Variants in PLCB1 observed in about 807,000 individuals in gnomAD.
PLCB1 encodes the protein phospholipase C beta 1.
A neutral mutation model predicts 161.8 loss-of-function variants in PLCB1; 46 were observed. The ratio of observed to expected loss-of-function variants is 0.28; its 90% confidence interval spans 0.22 to 0.36. The LOEUF (loss-of-function observed/expected upper bound fraction) is 0.36, where lower values mean the gene tolerates loss of function less well. Ranked by LOEUF, PLCB1 falls within the 10% of genes least tolerant of loss-of-function variation. The pLI is 1.00. For synonymous variants in PLCB1, 517 were observed against 503.7 expected (o/e 1.03, Z -0.35); for missense variants, 1,016 against 1,472.5 (o/e 0.69, Z 5.07).
intron 10 of PLCB1, among the ~76,000 whole-genome samples, chr20:8,685,328 A>G (rs1481929027): frequency 2.6e-5 from 4 of 151,928 alleles, no homozygotes; most frequent in Admixed American, 2.0e-4. Context: ...CACGGCTGAC[A>G]TTTTCAGATC....
rs547791906 is a variant in PLCB1 at position 8,559,396 on chromosome 20, A to T, written c.247-68898A>T. The stretch of plus-strand genomic sequence containing the variant: ...CACAAAAGAAGGCAGTAATGGGGGA[A>T]TTGAGAAACAGGAAAGATAAGACAT... On this transcript the variant is annotated intron_variant, in intron 3 of 31. Transcript: ENST00000338037. Among the ~76,000 whole-genome samples the T allele has an allele frequency of 2.6e-5, 4 of 152,092 alleles. No individual in the cohort carries two copies. In the East Asian group the frequency reaches 7.7e-4, roughly 29 times the overall value.
intron 1 of PLCB1, among the ~76,000 whole-genome samples, chr20:8,137,287 G>A (rs1196667067): frequency 1.3e-5 from 2 of 152,218 alleles, no homozygotes; most frequent in Non-Finnish European, 2.9e-5. Context: ...ATTAATGAGA[G>A]AGCAGAGGGG....
intron 9 of PLCB1, 102 bp downstream of exon 9, chr20:8,658,806 C>G: frequency 1.0e-6 from 1 of 961,956 alleles, no homozygotes; most frequent in Non-Finnish European, 1.5e-6. Context: ...TTAGTTTCCT[C>G]TGTTTACAAG....
intron 1 of PLCB1, among the ~76,000 whole-genome samples, chr20:8,136,573 C>T (rs2051351494): frequency 6.6e-6 from 1 of 151,634 alleles, no homozygotes. Flanking sequence ...TTGCAGTGAG[C>T]CGAGATCGCG....
Position 8,523,465 on chromosome 20 carries a change from G to GCTCTCTCTCT in PLCB1, c.247-104806_247-104797dup, listed in dbSNP as rs1174973173. Reference sequence around the variant, plus strand: ...ACGACAACAAATATATATATATTTGGCTCTCTCTCTCTCTCTCTCTCTCTC... The same window carrying GCTCTCTCTCT: ...ACGACAACAAATATATATATATTTGGCTCTCTCTCTCTCTCTCTCTCTCTCTCTCTCTCTC... On this transcript the variant is annotated intron_variant, in intron 3 of 31. Coordinates refer to ENST00000338037, the MANE Select transcript of PLCB1 (RefSeq NM_015192.4). 2.3e-3 allele frequency among the ~76,000 whole-genome samples: 110 copies of GCTCTCTCTCT among 48,790 alleles called. 6 individuals are homozygous for GCTCTCTCTCT. Among genetic ancestry groups the GCTCTCTCTCT allele is most frequent in the South Asian group, 0.019 (28 of 1,478 alleles). 32.0% of individuals were successfully genotyped at this position (48,790 alleles called of 152,430 possible).
intron 3 of PLCB1, among the ~76,000 whole-genome samples, chr20:8,415,463 ACT>A (rs894426702): frequency 1.3e-4 from 20 of 152,318 alleles, no homozygotes; most frequent in Non-Finnish European, 1.6e-4. Context: ...GCAAAAGCTG[ACT>A]CTGAGAAAAG....
chr20:8,624,314 T>G (rs1203801154), intron 3 of PLCB1, among the ~76,000 whole-genome samples: 1 of 152,156 alleles, frequency 6.6e-6, no homozygotes, highest in East Asian at 1.9e-4. Flanking sequence ...CACAAATCAT[T>G]GGATAAGCCT....
intron 2 of PLCB1, among the ~76,000 whole-genome samples, chr20:8,356,663 A>G (rs916450019): frequency 6.6e-6 from 1 of 152,218 alleles, no homozygotes; most frequent in Non-Finnish European, 1.5e-5. Context: ...ATTTTGGTAC[A>G]TAGAGTCTTC....
intron 23 of PLCB1, among the ~76,000 whole-genome samples, chr20:8,742,351 A>G (rs1217435059): frequency 6.6e-6 from 1 of 152,196 alleles, no homozygotes; most frequent in Non-Finnish European, 1.5e-5. Flanking sequence ...ATTGGGGGAA[A>G]AAACCTTGAA....
chr20:8,882,342 T>C lies in PLCB1; in HGVS notation c.*493T>C, dbSNP rs924989754. 6.1e-6 allele frequency: 1 copy of C among 162,772 alleles called. No homozygotes were observed. The highest frequency in any genetic ancestry group is 1.4e-5 in the Non-Finnish European group (1 of 73,290). 10.1% of individuals were successfully genotyped at this position (162,772 alleles called of 1,614,324 possible). Reference sequence around the variant, plus strand: ...CTTCAAGTCAACATGCATATTACATTTTCATCCTTTGCTTTGCAAGCACTG... The same window carrying C: ...CTTCAAGTCAACATGCATATTACATCTTCATCCTTTGCTTTGCAAGCACTG... On this transcript the variant is annotated 3_prime_UTR_variant, in exon 32 of 32. Coordinates refer to ENST00000338037, the MANE Select transcript of PLCB1 (RefSeq NM_015192.4).
intron 3 of PLCB1, among the ~76,000 whole-genome samples, chr20:8,402,974 A>C (rs1054618335): frequency 3.3e-5 from 5 of 152,106 alleles, no homozygotes; most frequent in Middle Eastern, 3.2e-3. Flanking sequence ...CTTTGAATTT[A>C]AGTTTATGTA....
At chr20:8,852,485 G>A (rs4816094) in intron 31 of PLCB1, among the ~76,000 whole-genome samples, 49,259 of 151,936 alleles carry the variant, frequency 0.32, 8,874 homozygotes, top group East Asian at 0.63. Flanking sequence ...ACTCCCACTA[G>A]CCATATCCCA....
rs551062233 is a variant in PLCB1 at position 8,746,441 on chromosome 20, GAAGTA to G, written c.2523+4872_2523+4876del. Among the ~76,000 whole-genome samples, 4 of 152,230 alleles carry G rather than the reference GAAGTA, an allele frequency of 2.6e-5. No homozygotes were observed. In the East Asian group the frequency reaches 5.8e-4, roughly 22 times the overall value. ...TGAATATGACTTTTTTAATGTTAGAGAAGTAAAGAAAAAAATAATGAGCATTTACT... is the reference window on the plus strand; with the variant it reads ...TGAATATGACTTTTTTAATGTTAGAGAAGAAAAAAATAATGAGCATTTACT... On this transcript the variant is annotated intron_variant, in intron 23 of 31. Transcript: ENST00000338037.
chr20:8,522,504 C>T (rs1984391084), intron 3 of PLCB1, among the ~76,000 whole-genome samples: 1 of 152,122 alleles, frequency 6.6e-6, no homozygotes, highest in Non-Finnish European at 1.5e-5. Flanking sequence ...CTATGATCTA[C>T]ACTTTCTCCC....
At position 8,788,691 on chromosome 20, in the gene PLCB1, GC is replaced by G. The variant is rs1983606583; in HGVS notation, c.3248del (p.Ala1083ValfsTer16). 6.2e-7 allele frequency: 1 copy of G among 1,611,030 alleles called. No individual in the cohort carries two copies. Among genetic ancestry groups the G allele is most frequent in the African/African-American group, 1.3e-5 (1 of 74,810 alleles). On this transcript the variant is annotated frameshift_variant, in exon 29 of 32. Coordinates refer to ENST00000338037, the MANE Select transcript of PLCB1 (RefSeq NM_015192.4). LOFTEE classifies it high-confidence loss of function. ...DKKRQEKITE[A>X]KSKDKSQMEE... Reference sequence around the variant, plus strand: ...AAAGAGGCAGGAGAAGATAACAGAAGCTAAATCCAAAGACAAAAGTCAGATG... The same window carrying G: ...AAAGAGGCAGGAGAAGATAACAGAAGTAAATCCAAAGACAAAAGTCAGATG...
At chr20:8,642,845 C>T (rs1330776708) in intron 4 of PLCB1, among the ~76,000 whole-genome samples, 1 of 152,162 alleles carries the variant, frequency 6.6e-6, no homozygotes, top group Non-Finnish European at 1.5e-5. Context: ...GTATCTTGCC[C>T]TCAGTTATAG....
intron 3 of PLCB1, among the ~76,000 whole-genome samples, chr20:8,504,383 T>A (rs930580470): frequency 1.3e-5 from 2 of 152,178 alleles, no homozygotes; most frequent in Admixed American, 1.3e-4. Flanking sequence ...GGCAGAGACA[T>A]GCAGTGACCC....
chr20:8,419,670 A>T (rs7265642), intron 3 of PLCB1, among the ~76,000 whole-genome samples: 13,282 of 152,194 alleles, frequency 0.087, 1,811 homozygotes, highest in African/African-American at 0.3. Flanking sequence ...ATTAGGTATA[A>T]TAAATGCATT....
intron 20 of PLCB1, among the ~76,000 whole-genome samples, chr20:8,738,395 G>A (rs1237725413): frequency 6.6e-6 from 1 of 152,040 alleles, no homozygotes; most frequent in African/African-American, 2.4e-5. Context: ...GTGTGAGATG[G>A]TATCTCATTG....
Sources: gnomAD v4.1 joint callset for allele counts (sites outside exome capture counted in the v4.1 genomes callset) on GRCh38, gnomAD v4.1.1 for gene constraint, MANE v1.5 for transcripts, NCBI Gene and HGNC (gene_info 2026-07-23, HGNC 2026-07-21) for gene names.